The following C8orf34 variants were observed in gnomAD, a reference collection of about 807,000 sequenced individuals.
The protein encoded by C8orf34 is chromosome 8 open reading frame 34, also known as uncharacterized protein C8orf34.
In C8orf34, 65 loss-of-function variants were observed where a neutral mutation model predicts 68.3. The ratio of observed to expected loss-of-function variants is 0.95; its 90% confidence interval spans 0.78 to 1.17. C8orf34 has a LOEUF of 1.17. C8orf34 is among the 50% of genes most tolerant of loss of function. C8orf34 has a pLI of 0.00. For synonymous variants in C8orf34, 244 were observed against 241.2 expected (o/e 1.01, Z -0.11); for missense variants, 664 against 655.4 (o/e 1.01, Z -0.14).
chr8:68,395,065 T>G (rs542225898), intron 1 of C8orf34, among the ~76,000 whole-genome samples: 1 of 152,124 alleles, frequency 6.6e-6, no homozygotes, highest in South Asian at 2.1e-4. Flanking sequence ...AATATGAATG[T>G]CTCCATACCA....
At chr8:68,550,557 C>G (rs1162863574) in intron 7 of C8orf34, among the ~76,000 whole-genome samples, 1 of 151,730 alleles carries the variant, frequency 6.6e-6, no homozygotes, top group Non-Finnish European at 1.5e-5. Flanking sequence ...TGTTTATTTT[C>G]TAATGCTCAT....
At chr8:68,484,314 G>C (rs1262094989) in intron 4 of C8orf34, among the ~76,000 whole-genome samples, 1 of 152,150 alleles carries the variant, frequency 6.6e-6, no homozygotes, top group Non-Finnish European at 1.5e-5. Flanking sequence ...CCTCCCACCA[G>C]CCCTCACCTC....
At chr8:68,454,995 T>G (rs2129627963) in intron 3 of C8orf34, among the ~76,000 whole-genome samples, 2 of 152,242 alleles carry the variant, frequency 1.3e-5, no homozygotes, top group South Asian at 2.1e-4. Flanking sequence ...TTGTGATTTC[T>G]TCTTTGTCTC....
intron 1 of C8orf34, among the ~76,000 whole-genome samples, chr8:68,375,563 A>G (rs1807756570): frequency 6.6e-6 from 1 of 152,182 alleles, no homozygotes; most frequent in African/African-American, 2.4e-5. Flanking sequence ...CACCTTTCAC[A>G]ATTTTTTCAA....
chr8:68,673,617 A>G (rs1820087841), intron 8 of C8orf34, among the ~76,000 whole-genome samples: 1 of 152,166 alleles, frequency 6.6e-6, no homozygotes, highest in African/African-American at 2.4e-5. Context: ...GCTCATCCAC[A>G]GTAGAATACA....
At chr8:68,572,400 C>A (rs995749041) in intron 7 of C8orf34, among the ~76,000 whole-genome samples, 1 of 151,902 alleles carries the variant, frequency 6.6e-6, no homozygotes, top group African/African-American at 2.4e-5. Context: ...TTACACACTC[C>A]ATATGACATT....
intron 10 of C8orf34, among the ~76,000 whole-genome samples, chr8:68,775,068 AG>A (rs1563662326): frequency 1.7e-5 from 2 of 120,228 alleles, no homozygotes; most frequent in African/African-American, 6.3e-5. Context: ...CAGTAAGCCC[AG>A]GAAAAAAAAA....
intron 8 of C8orf34, among the ~76,000 whole-genome samples, chr8:68,659,966 A>T (rs1252185838): frequency 6.6e-6 from 1 of 152,222 alleles, no homozygotes; most frequent in Non-Finnish European, 1.5e-5. Flanking sequence ...AACACAATTG[A>T]CAAATAAATT....
chr8:68,686,326 C>G (rs1820517330), intron 8 of C8orf34, among the ~76,000 whole-genome samples: 1 of 151,680 alleles, frequency 6.6e-6, no homozygotes, highest in Non-Finnish European at 1.5e-5. Context: ...AAGGACTTTA[C>G]AAAAAAAGAA....
At position 68,489,605 on chromosome 8, in the gene C8orf34, C is replaced by T. The variant is rs532504592; in HGVS notation, c.765+1554C>T. ...CAAAGTCTTGACTGGATTTTGACTG[C>T]GACTCATCACACGAGGTCAAGTATA... is the stretch of plus-strand genomic sequence containing the variant. On this transcript the variant is annotated intron_variant, in intron 5 of 13. Transcript: ENST00000518698. Among the ~76,000 whole-genome samples, 72 of 152,218 alleles carry T rather than the reference C, an allele frequency of 4.7e-4. 1 individual carries two copies. Among genetic ancestry groups the T allele is most frequent in the Admixed American group, 7.2e-4 (11 of 15,292 alleles).
chr8:68,623,324 A>G (rs1279534429), intron 7 of C8orf34, among the ~76,000 whole-genome samples: 1 of 152,058 alleles, frequency 6.6e-6, no homozygotes, highest in African/African-American at 2.4e-5. Context: ...GTGGTTCTCA[A>G]CCTAGCACCG....
At chr8:68,725,889 T>C (rs1378434688) in intron 10 of C8orf34, among the ~76,000 whole-genome samples, 2 of 152,014 alleles carry the variant, frequency 1.3e-5, no homozygotes, top group Non-Finnish European at 2.9e-5. Flanking sequence ...GTAGCCAATA[T>C]CTTTTTTTAT....
intron 8 of C8orf34, among the ~76,000 whole-genome samples, chr8:68,698,826 T>G (rs746548598): frequency 6.6e-6 from 1 of 151,976 alleles, no homozygotes; most frequent in Non-Finnish European, 1.5e-5. Context: ...GGAAGAAAAT[T>G]TAGTGTTCAG....
At chr8:68,589,208 T>C (rs1817294406) in intron 7 of C8orf34, among the ~76,000 whole-genome samples, 1 of 152,200 alleles carries the variant, frequency 6.6e-6, no homozygotes, top group Admixed American at 6.5e-5. Context: ...CAACAGTTAA[T>C]TTAATATTAT....
intron 7 of C8orf34, among the ~76,000 whole-genome samples, chr8:68,602,079 G>A (rs1239450812): frequency 6.6e-6 from 1 of 152,120 alleles, no homozygotes; most frequent in African/African-American, 2.4e-5. Context: ...ACCAGGGAGG[G>A]GAGAAGCAGA....
At chr8:68,448,515 G>A (rs1243831305) in intron 3 of C8orf34, among the ~76,000 whole-genome samples, 1 of 152,004 alleles carries the variant, frequency 6.6e-6, no homozygotes, top group Non-Finnish European at 1.5e-5. Context: ...CATCTCTAAA[G>A]CATCACTAAG....
chr8:68,565,557 T>TA (rs1452810364), intron 7 of C8orf34, among the ~76,000 whole-genome samples: 1 of 152,128 alleles, frequency 6.6e-6, no homozygotes, highest in Non-Finnish European at 1.5e-5. Flanking sequence ...AAAGACAACG[T>TA]AGGAATGCAG....
intron 12 of C8orf34, among the ~76,000 whole-genome samples, chr8:68,789,264 A>C (rs1162312199): frequency 2.0e-5 from 3 of 152,258 alleles, no homozygotes; most frequent in Admixed American, 6.5e-5. Flanking sequence ...TAGATCCTAC[A>C]AGAGGTGCCC....
At chr8:68,725,223 G>A (rs954058066) in intron 10 of C8orf34, among the ~76,000 whole-genome samples, 4 of 152,150 alleles carry the variant, frequency 2.6e-5, no homozygotes, top group African/African-American at 9.7e-5. Context: ...AAGGGAAGAT[G>A]AAGATAATTA....
Sources: gnomAD v4.1 joint callset for allele counts (sites outside exome capture counted in the v4.1 genomes callset) on GRCh38, gnomAD v4.1.1 for gene constraint, MANE v1.5 for transcripts, NCBI Gene and HGNC (gene_info 2026-07-23, HGNC 2026-07-21) for gene names.